The following TRERF1 variants were observed in gnomAD, a reference collection of about 807,000 sequenced individuals.
TRERF1 encodes transcriptional regulating factor 1.
A neutral mutation model predicts 122.9 loss-of-function variants in TRERF1; 27 were observed. The ratio of observed to expected loss-of-function variants is 0.22; its 90% CI spans 0.16 to 0.30. The LOEUF (loss-of-function observed/expected upper bound fraction) is 0.30, where lower values mean the gene tolerates loss of function less well. Among genes scored for constraint, TRERF1 ranks in the 10% least tolerant of loss-of-function variants. The pLI, the probability that TRERF1 is intolerant of heterozygous loss-of-function variation, is 1.00. For synonymous variants in TRERF1, 636 were observed against 641.7 expected, an observed-to-expected ratio of 0.99 and a Z score of 0.13; for missense variants, 1,248 against 1,560.3, an observed-to-expected ratio of 0.80 and a Z score of 3.37.
chr6:42,262,466 G>GGAGAGAGAGAGA lies in TRERF1; in HGVS notation c.1884+842_1884+853dup, dbSNP rs1778237857. Among the ~76,000 whole-genome samples the GGAGAGAGAGAGA allele has an allele frequency of 3.1e-4, 2 of 6,406 alleles. 1 individual carries two copies. The highest frequency in any genetic ancestry group is 5.7e-4 in the Non-Finnish European group (2 of 3,518). 4.2% of individuals were successfully genotyped at this position (6,406 alleles called of 152,430 possible). On this transcript the variant is annotated intron_variant, in intron 8 of 17. Coordinates refer to ENST00000372922, the Ensembl canonical transcript of TRERF1. ...AGAGAGAGAGAGAGAGAGAGAGAGA[G>GGAGAGAGAGAGA]GAGAGAGAGAGAGAGAGAGAGAGAG... is the stretch of plus-strand genomic sequence containing the variant.
intron 3 of TRERF1, among the ~76,000 whole-genome samples, chr6:42,342,671 A>G (rs1215628853): frequency 6.6e-6 from 1 of 152,244 alleles, no homozygotes; most frequent in Non-Finnish European, 1.5e-5. Context: ...ACAAGTGGCT[A>G]GCCAGCTCTC....
intron 2 of TRERF1, among the ~76,000 whole-genome samples, chr6:42,386,173 C>T (rs899023610): frequency 3.3e-5 from 5 of 152,276 alleles, no homozygotes; most frequent in Non-Finnish European, 7.4e-5. Context: ...ATGGTGAAAC[C>T]CTGTCTTTAC....
chr6:42,414,564 C>T (rs1373559945), intron 2 of TRERF1, among the ~76,000 whole-genome samples: 2 of 152,148 alleles, frequency 1.3e-5, no homozygotes, highest in Non-Finnish European at 2.9e-5. Flanking sequence ...TAATATATTC[C>T]TTTTAACTAC....
At position 42,366,216 on chromosome 6, in the gene TRERF1, G is replaced by C. The variant is rs577190271; in HGVS notation, c.-453-3137C>G. On this transcript the variant is annotated intron_variant, in intron 2 of 17. Coordinates refer to ENST00000372922, the Ensembl canonical transcript of TRERF1. The stretch of plus-strand genomic sequence containing the variant: ...GCTTCTCTGGGCAAGAGCTCCCTGT[G>C]CCCATGTGGACTGCCAGCTTCTTGA... Among the ~76,000 whole-genome samples the C allele has an allele frequency of 2.0e-5, 3 of 152,270 alleles. No homozygotes were observed. In the South Asian group the frequency reaches 6.2e-4, roughly 32 times the overall value.
chr6:42,302,234 C>A (rs1786333873), intron 3 of TRERF1, among the ~76,000 whole-genome samples: 1 of 152,086 alleles, frequency 6.6e-6, no homozygotes, highest in Non-Finnish European at 1.5e-5. Flanking sequence ...CTATTTAATG[C>A]TATAAAATGA....
rs1212671898 is a variant in TRERF1 at position 42,275,762 on chromosome 6, T to C, written c.-258-5914A>G. On this transcript the variant is annotated intron_variant, in intron 4 of 17. Coordinates refer to ENST00000372922, the Ensembl canonical transcript of TRERF1. This position sits in a 1 kb window ranked among gnomAD's most constrained non-coding sequence, Gnocchi z 4.1. Reference sequence around the variant, plus strand: ...CAAATTTATGGAGTGCTGTAGATAATAACAAGGCTCTACAGAGACCTCCCA... The same window carrying C: ...CAAATTTATGGAGTGCTGTAGATAACAACAAGGCTCTACAGAGACCTCCCA... Among the ~76,000 whole-genome samples the C allele has an allele frequency of 1.3e-5, 2 of 152,164 alleles. No homozygotes were observed. Among genetic ancestry groups the C allele is most frequent in the Non-Finnish European group, 1.5e-5 (1 of 68,030 alleles).
rs749821259 is a variant in TRERF1, at chr6:42,268,978, G to A, written c.613C>T (p.Pro205Ser). The A allele has an allele frequency of 1.9e-5, 31 of 1,612,218 alleles. No homozygotes were observed. The African/African-American group carries it at 3.6e-4, about 19-fold the overall frequency. ...GTGAAACCAGGGTGAGGCTGCTGGG[G>A]CACCTGCTGGTAGCGGGAAGGGATA... The change falls in exon 5 of 18, where the codon CCC becomes TCC. Residue 205 changes from proline (P) to serine (S), a missense_variant. Physicochemically the swap from Pro to Ser is moderately conservative, Grantham distance 74 (BLOSUM62 -1). Around this residue, in one of 5 missense-constraint regions of TRERF1, gnomAD observed 946 missense variants for 1,073.0 expected, o/e 0.88. Coordinates refer to ENST00000372922, the Ensembl canonical transcript of TRERF1. The surrounding 1 kb of genome is among the most constrained non-coding windows in gnomAD (Gnocchi z 4.4).
chr6:42,354,354 T>C (rs1562048535), intron 3 of TRERF1, among the ~76,000 whole-genome samples: 1 of 151,854 alleles, frequency 6.6e-6, no homozygotes, highest in Non-Finnish European at 1.5e-5. Flanking sequence ...TCTGTCATAT[T>C]ATTGCCAGTC....
At chr6:42,351,860 G>A (rs1251640589) in intron 3 of TRERF1, among the ~76,000 whole-genome samples, 5 of 152,198 alleles carry the variant, frequency 3.3e-5, no homozygotes, top group Non-Finnish European at 7.3e-5. Flanking sequence ...GGGAATGGAA[G>A]AGCAACCAAT....
intron 3 of TRERF1, among the ~76,000 whole-genome samples, chr6:42,302,146 T>G (rs1786323005): frequency 6.6e-6 from 1 of 152,214 alleles, no homozygotes; most frequent in South Asian, 2.1e-4. Flanking sequence ...CAAAGAGTCA[T>G]CTATTAAAAT....
intron 2 of TRERF1, among the ~76,000 whole-genome samples, chr6:42,415,828 A>G (rs1781757068): frequency 6.6e-6 from 1 of 152,018 alleles, no homozygotes; most frequent in Non-Finnish European, 1.5e-5. Flanking sequence ...CATGCATGCT[A>G]ATTTTTCCAT....
At chr6:42,439,963 T>C (rs999859288) in intron 2 of TRERF1, among the ~76,000 whole-genome samples, 3 of 152,188 alleles carry the variant, frequency 2.0e-5, no homozygotes, top group African/African-American at 7.2e-5. Context: ...GCTCCTCTTA[T>C]TTGTCCTGGC....
chr6:42,290,258 G>C (rs1362167695), intron 4 of TRERF1, among the ~76,000 whole-genome samples: 1 of 152,206 alleles, frequency 6.6e-6, no homozygotes, highest in African/African-American at 2.4e-5. Context: ...ATGGTCAGCA[G>C]AATACCTGGC....
At chr6:42,358,449 T>G (rs950884711) in intron 3 of TRERF1, among the ~76,000 whole-genome samples, 6 of 152,156 alleles carry the variant, frequency 3.9e-5, no homozygotes, top group Non-Finnish European at 7.3e-5. Flanking sequence ...AAAAGTAGGG[T>G]GTATTTCCCT....
intron 4 of TRERF1, among the ~76,000 whole-genome samples, chr6:42,274,964 C>G (rs1198396339): frequency 6.6e-6 from 1 of 152,216 alleles, no homozygotes; most frequent in African/African-American, 2.4e-5. Flanking sequence ...CTTCCACCCC[C>G]ATCCCCAGCC....
At chr6:42,323,356 G>T (rs576982854) in intron 3 of TRERF1, among the ~76,000 whole-genome samples, 1 of 151,856 alleles carries the variant, frequency 6.6e-6, no homozygotes, top group Non-Finnish European at 1.5e-5. Context: ...GCACCACCAC[G>T]CCCGGCTAAT....
chr6:42,451,111 C>T (rs757553250), intron 2 of TRERF1, 66 bp downstream of exon 2: 1 of 152,110 alleles, frequency 6.6e-6, no homozygotes, highest in Non-Finnish European at 1.5e-5. Flanking sequence ...GCCCCACCCC[C>T]GTCTTCTCGA....
At chr6:42,450,163 C>G (rs990045252) in intron 2 of TRERF1, among the ~76,000 whole-genome samples, 1 of 152,314 alleles carries the variant, frequency 6.6e-6, no homozygotes, top group Admixed American at 6.5e-5. Context: ...TGCTGTTATC[C>G]TCTCCAGTCA....
chr6:42,258,120 T>C lies in TRERF1; in HGVS notation c.2336+15A>G. 1 of 1,612,280 alleles carries C rather than the reference T, an allele frequency of 6.2e-7. No homozygotes were observed. Among genetic ancestry groups the C allele is most frequent in the Non-Finnish European group, 8.5e-7 (1 of 1,178,452 alleles). On this transcript the variant is annotated intron_variant, in intron 10 of 17. Coordinates refer to ENST00000372922, the Ensembl canonical transcript of TRERF1. ...CTGAGGCTTCTGTTCTAAAGAGTAATTGACTTTTCCTTACGGTTCAACATC... is the reference window on the plus strand; with the variant it reads ...CTGAGGCTTCTGTTCTAAAGAGTAACTGACTTTTCCTTACGGTTCAACATC...
Sources: allele counts gnomAD v4.1 joint callset (sites outside exome capture counted in the v4.1 genomes callset), GRCh38; gene constraint gnomAD v4.1.1; regional missense constraint gnomAD v4.1.1; non-coding constraint Gnocchi (gnomAD v3.1); transcripts MANE v1.5; gene names NCBI Gene and HGNC (gene_info 2026-07-23, HGNC 2026-07-21).